ATP8A2: variants seen among roughly 807,000 people sequenced by gnomAD.
The protein encoded by ATP8A2 is phospholipid-transporting ATPase IB.
A neutral mutation model predicts 165.6 loss-of-function variants in ATP8A2; 100 were observed. The observed-to-expected ratio is 0.60, with a 90% CI of 0.51 to 0.71. The LOEUF (loss-of-function observed/expected upper bound fraction) is 0.71. Among genes scored for constraint, ATP8A2 ranks in the 30% least tolerant of loss-of-function variants. ATP8A2 has a pLI of 0.00. For missense variants in ATP8A2, 1,227 were observed against 1,479.5 expected (o/e 0.83, Z 2.80); for synonymous variants, 543 against 548.8 (o/e 0.99, Z 0.15).
intron 26 of ATP8A2, among the ~76,000 whole-genome samples, chr13:25,769,836 C>T (rs1056493221): frequency 2.9e-4 from 44 of 152,166 alleles, no homozygotes; most frequent in African/African-American, 1.1e-3. Flanking sequence ...TGCAGTTAGG[C>T]CAAGTTCAGT....
intron 24 of ATP8A2, among the ~76,000 whole-genome samples, chr13:25,672,569 G>A (rs1262502525): frequency 6.6e-6 from 1 of 152,104 alleles, no homozygotes; most frequent in Non-Finnish European, 1.5e-5. Context: ...TTTAAAAAAA[G>A]GACATTTAAT....
At chr13:25,465,384 G>T (rs1007396878) in intron 1 of ATP8A2, among the ~76,000 whole-genome samples, 2 of 152,072 alleles carry the variant, frequency 1.3e-5, no homozygotes, top group Non-Finnish European at 2.9e-5. Flanking sequence ...CCCTGTTGTG[G>T]TATAGAAAGC....
chr13:25,559,664 A>T, intron 14 of ATP8A2, 57 bp from the exon 15 acceptor site: 3 of 1,291,306 alleles, frequency 2.3e-6, no homozygotes, highest in Non-Finnish European at 3.4e-6. Flanking sequence ...TTTTGATCAG[A>T]ATGTCTGTCT....
At chr13:25,677,125 A>T (rs1014562967) in intron 24 of ATP8A2, among the ~76,000 whole-genome samples, 3 of 152,176 alleles carry the variant, frequency 2.0e-5, no homozygotes, top group Non-Finnish European at 2.9e-5. Flanking sequence ...AAACTCTTCT[A>T]TTGTGGCATC....
At chr13:25,583,636 G>T (rs1294463255) in intron 23 of ATP8A2, among the ~76,000 whole-genome samples, 4 of 152,070 alleles carry the variant, frequency 2.6e-5, no homozygotes, top group Non-Finnish European at 4.4e-5. Context: ...TATTATACCT[G>T]AGCCTATCTA....
chr13:25,734,130 G>T (rs1304627825), intron 25 of ATP8A2, among the ~76,000 whole-genome samples: 5 of 152,106 alleles, frequency 3.3e-5, no homozygotes, highest in Admixed American at 2.6e-4. Flanking sequence ...CCAGCATATG[G>T]TCTGCATTCA....
chr13:25,952,588 A>G (rs1955398711), intron 33 of ATP8A2, among the ~76,000 whole-genome samples: 1 of 152,070 alleles, frequency 6.6e-6, no homozygotes, highest in Non-Finnish European at 1.5e-5. Flanking sequence ...GTCCTGGCTG[A>G]TCTCAAACTC....
At chr13:25,573,304 T>C (rs1465820787) in intron 18 of ATP8A2, among the ~76,000 whole-genome samples, 3 of 152,162 alleles carry the variant, frequency 2.0e-5, no homozygotes, top group East Asian at 1.9e-4. Flanking sequence ...TCACTCACAA[T>C]GCCAAATAAA....
intron 24 of ATP8A2, among the ~76,000 whole-genome samples, chr13:25,669,213 G>A (rs185213361): frequency 6.6e-6 from 1 of 152,024 alleles, no homozygotes; most frequent in Non-Finnish European, 1.5e-5. Flanking sequence ...TGACTCTTGA[G>A]GGCTGCCATC....
At position 25,598,718 on chromosome 13, in the gene ATP8A2, C is replaced by A. The variant is rs116735301; in HGVS notation, c.2211+9019C>A. Among the ~76,000 whole-genome samples the A allele has an allele frequency of 1.8e-3, 273 of 152,036 alleles. 1 individual carries two copies. The highest frequency in any genetic ancestry group is 6.3e-3 in the African/African-American group (262 of 41,482). ...TTCCACTTCTTTGTCATTTATGGGT[C>A]TGTTTCTATTTGCTTACTTCTTTTG... On this transcript the variant is annotated intron_variant, in intron 24 of 36. Coordinates refer to ENST00000381655, the MANE Select transcript of ATP8A2 (RefSeq NM_016529.6).
chr13:25,969,872 T>G (rs1299461154), intron 35 of ATP8A2, among the ~76,000 whole-genome samples: 1 of 152,160 alleles, frequency 6.6e-6, no homozygotes, highest in Non-Finnish European at 1.5e-5. Context: ...ACCGCAGATG[T>G]ACATATAACC....
At chr13:25,763,374 A>C (rs1042621235) in intron 25 of ATP8A2, among the ~76,000 whole-genome samples, 3 of 151,962 alleles carry the variant, frequency 2.0e-5, no homozygotes, top group Non-Finnish European at 4.4e-5. Flanking sequence ...TCTAAGGCAC[A>C]CTCTCTTGCA....
rs575052986 is a variant in ATP8A2 at position 25,998,624 on chromosome 13, G to A, written c.3378-13907G>A. Reference sequence around the variant, plus strand: ...GCCTCTACTGGGAAAACCTTGTCTGGGACAGAGGAAATCAAGCACTGTGCT... The same window carrying A: ...GCCTCTACTGGGAAAACCTTGTCTGAGACAGAGGAAATCAAGCACTGTGCT... On this transcript the variant is annotated intron_variant, in intron 35 of 36. Coordinates refer to ENST00000381655, the MANE Select transcript of ATP8A2 (RefSeq NM_016529.6). Among the ~76,000 whole-genome samples the A allele has an allele frequency of 9.9e-4, 151 of 152,238 alleles. 1 individual carries two copies. The Middle Eastern group carries it at 0.014, about 14-fold the overall frequency.
intron 35 of ATP8A2, among the ~76,000 whole-genome samples, chr13:26,002,397 A>G (rs1956644676): frequency 6.6e-6 from 1 of 151,296 alleles, no homozygotes; most frequent in Admixed American, 6.6e-5. Flanking sequence ...GGGGAACATC[A>G]CACACCAGGG....
chr13:25,728,803 T>C (rs904447666), intron 25 of ATP8A2, among the ~76,000 whole-genome samples: 8 of 152,184 alleles, frequency 5.3e-5, no homozygotes, highest in Admixed American at 5.2e-4. Context: ...CATTGCATCC[T>C]GAGTGACGGG....
At chr13:25,795,099 G>A (rs1950472774) in intron 27 of ATP8A2, among the ~76,000 whole-genome samples, 1 of 152,014 alleles carries the variant, frequency 6.6e-6, no homozygotes, top group African/African-American at 2.4e-5. Flanking sequence ...AAAAACTAAA[G>A]CTTAGTCTCC....
intron 32 of ATP8A2, among the ~76,000 whole-genome samples, chr13:25,861,655 G>A (rs1321242167): frequency 6.6e-6 from 1 of 152,194 alleles, no homozygotes; most frequent in Admixed American, 6.5e-5. Flanking sequence ...TGTTAGAGGA[G>A]GAGGTAGTGA....
chr13:25,429,709 G>A (rs1277295108), intron 1 of ATP8A2, among the ~76,000 whole-genome samples: 1 of 152,204 alleles, frequency 6.6e-6, no homozygotes, highest in African/African-American at 2.4e-5. Flanking sequence ...GAGGGGGCAG[G>A]AGGTGTCCCT....
intron 10 of ATP8A2, among the ~76,000 whole-genome samples, chr13:25,545,080 G>T (rs2138015336): frequency 6.6e-6 from 1 of 152,140 alleles, no homozygotes; most frequent in African/African-American, 2.4e-5. Context: ...CTTGACTTGT[G>T]AGGCAAGGAG....
Sources: allele counts gnomAD v4.1 joint callset (sites outside exome capture counted in the v4.1 genomes callset), GRCh38; gene constraint gnomAD v4.1.1; transcripts MANE v1.5; gene names NCBI Gene and HGNC (gene_info 2026-07-23, HGNC 2026-07-21).